RALGPS1: variants seen among roughly 807,000 people sequenced by gnomAD.
RALGPS1 encodes the protein ras-specific guanine nucleotide-releasing factor RalGPS1.
RALGPS1 carries 19 observed loss-of-function variants against 78.8 expected under a neutral mutation model. The ratio of observed to expected loss-of-function variants is 0.24; its 90% CI spans 0.17 to 0.35. RALGPS1 has a LOEUF of 0.35. RALGPS1 is among the 10% of genes least tolerant of loss of function. The pLI is 1.00. For synonymous variants in RALGPS1, 228 were observed against 256.3 expected, an observed-to-expected ratio of 0.89 and a Z score of 1.06; for missense variants, 454 against 688.3, an observed-to-expected ratio of 0.66 and a Z score of 3.81.
Position 127,082,815 on chromosome 9 carries a change from T to TGGC in RALGPS1, c.610+13460_610+13462dup, listed in dbSNP as rs928990406. 5.3e-5 allele frequency among the ~76,000 whole-genome samples: 8 copies of TGGC among 152,306 alleles called. No individual in the cohort carries two copies. The East Asian group carries it at 1.5e-3, about 29-fold the overall frequency. On this transcript the variant is annotated intron_variant, in intron 8 of 18. Transcript: ENST00000259351. ...CACATGGAAAGCACCCTATAGATGA[T>TGGC]GGCTAGTATTAGTGCTATCCACATG...
At chr9:127,020,682 G>C (rs943790694) in intron 4 of RALGPS1, among the ~76,000 whole-genome samples, 10 of 152,356 alleles carry the variant, frequency 6.6e-5, no homozygotes, top group African/African-American at 2.4e-4. Flanking sequence ...GCTATAGTAT[G>C]AGCTCAGTTG....
intron 1 of RALGPS1, among the ~76,000 whole-genome samples, chr9:126,954,791 A>G (rs1432841571): frequency 6.6e-6 from 1 of 152,200 alleles, no homozygotes; most frequent in Admixed American, 6.5e-5. Flanking sequence ...CCTGGGTGAC[A>G]GAGTGAGACT....
intron 6 of RALGPS1, among the ~76,000 whole-genome samples, chr9:127,052,314 A>G: frequency 6.6e-6 from 1 of 152,232 alleles, no homozygotes; most frequent in East Asian, 1.9e-4. Flanking sequence ...CCTCCATGGT[A>G]AGAAACTTGT....
chr9:126,916,507 G>A (rs1446558171), intron 1 of RALGPS1, among the ~76,000 whole-genome samples: 1 of 152,186 alleles, frequency 6.6e-6, no homozygotes, highest in Non-Finnish European at 1.5e-5. Context: ...AGGGTCGGGC[G>A]CGGTGGCTCA....
intron 4 of RALGPS1, among the ~76,000 whole-genome samples, chr9:127,027,553 G>A (rs1270531876): frequency 2.0e-5 from 3 of 152,196 alleles, no homozygotes; most frequent in Non-Finnish European, 2.9e-5. Context: ...TAACTATTAG[G>A]ATCTGCTGGA....
At chr9:126,946,640 A>G (rs959902586) in intron 1 of RALGPS1, among the ~76,000 whole-genome samples, 1 of 151,794 alleles carries the variant, frequency 6.6e-6, no homozygotes, top group Non-Finnish European at 1.5e-5. Flanking sequence ...TTCCGAACAC[A>G]CACAAGGGGA....
At chr9:127,107,038 G>A (rs2054286799) in intron 8 of RALGPS1, 1 of 152,234 alleles carries the variant, frequency 6.6e-6, no homozygotes, top group African/African-American at 2.4e-5. Flanking sequence ...CAGGGGACTG[G>A]ATGTGTGCTG....
intron 8 of RALGPS1, among the ~76,000 whole-genome samples, chr9:127,109,741 C>T (rs990627012): frequency 1.3e-5 from 2 of 152,228 alleles, no homozygotes; most frequent in African/African-American, 4.8e-5. Flanking sequence ...CCAGTCCCTG[C>T]CCTCATGGGG....
intron 4 of RALGPS1, among the ~76,000 whole-genome samples, chr9:127,029,623 A>G (rs902984302): frequency 7.2e-5 from 11 of 152,206 alleles, no homozygotes. Flanking sequence ...GACACGTTTG[A>G]TGAACGTGAT....
intron 11 of RALGPS1, among the ~76,000 whole-genome samples, chr9:127,191,897 C>G (rs1358784598): frequency 6.6e-6 from 1 of 152,074 alleles, no homozygotes; most frequent in Non-Finnish European, 1.5e-5. Flanking sequence ...CGGGGTTTCA[C>G]CGTGTCAGCC....
chr9:127,125,960 G>A (rs1396390737), intron 8 of RALGPS1, among the ~76,000 whole-genome samples: 1 of 152,132 alleles, frequency 6.6e-6, no homozygotes, highest in Admixed American at 6.5e-5. Flanking sequence ...GTTGGAAACA[G>A]CGGGATGGTC....
chr9:127,093,186 A>T (rs947552579), intron 8 of RALGPS1, among the ~76,000 whole-genome samples: 6 of 152,130 alleles, frequency 3.9e-5, no homozygotes, highest in African/African-American at 1.4e-4. Flanking sequence ...TGTATGACTG[A>T]GTCCTGGCAA....
intron 4 of RALGPS1, among the ~76,000 whole-genome samples, chr9:127,003,879 G>A (rs1291265816): frequency 6.6e-6 from 1 of 152,096 alleles, no homozygotes; most frequent in Non-Finnish European, 1.5e-5. Flanking sequence ...AGTTTCAGTT[G>A]TCCAGCATCT....
intron 8 of RALGPS1, chr9:127,108,674 C>T (rs1173203283): frequency 5.6e-6 from 9 of 1,613,640 alleles, no homozygotes; most frequent in Non-Finnish European, 7.6e-6. Context: ...TGGCCTGCAA[C>T]AGCTCCCATG....
intron 14 of RALGPS1, among the ~76,000 whole-genome samples, chr9:127,206,911 C>A (rs1303716035): frequency 6.6e-6 from 1 of 152,106 alleles, no homozygotes; most frequent in Non-Finnish European, 1.5e-5. Flanking sequence ...CTCAATAGCA[C>A]CACCTACTCT....
At chr9:127,141,272 T>C (rs2057754848) in intron 8 of RALGPS1, among the ~76,000 whole-genome samples, 3 of 152,104 alleles carry the variant, frequency 2.0e-5, no homozygotes, top group Admixed American at 2.0e-4. Flanking sequence ...AGGTGTAAAC[T>C]CTGACTGAAA....
At chr9:127,162,127 C>T (rs1180381233) in intron 8 of RALGPS1, among the ~76,000 whole-genome samples, 2 of 152,224 alleles carry the variant, frequency 1.3e-5, no homozygotes, top group Non-Finnish European at 2.9e-5. Context: ...TGCCTTCTCT[C>T]ATGCATTCCT....
intron 13 of RALGPS1, among the ~76,000 whole-genome samples, chr9:127,197,357 G>A (rs1235306934): frequency 6.6e-6 from 1 of 152,192 alleles, no homozygotes; most frequent in Non-Finnish European, 1.5e-5. Flanking sequence ...TTGCCTTTCG[G>A]TGTGCCTGTG....
At chr9:126,982,973 G>A (rs1428620456) in intron 4 of RALGPS1, among the ~76,000 whole-genome samples, 1 of 80,346 alleles carries the variant, frequency 1.2e-5, no homozygotes, top group African/African-American at 5.0e-5. Context: ...TTTCGCTCTT[G>A]TTGCCCAGGC....
Sources: gnomAD v4.1 joint callset for allele counts (sites outside exome capture counted in the v4.1 genomes callset) on GRCh38, gnomAD v4.1.1 for gene constraint, MANE v1.5 for transcripts, NCBI Gene and HGNC (gene_info 2026-07-23, HGNC 2026-07-21) for gene names.